The following SFXN4 variants were observed in gnomAD, a reference collection of about 807,000 sequenced individuals.
SFXN4 encodes sideroflexin-4.
In SFXN4, 48 loss-of-function variants were observed where a neutral mutation model predicts 54.6. The observed-to-expected ratio is 0.88, with a 90% CI of 0.70 to 1.12. SFXN4 has a LOEUF of 1.12. SFXN4 is among the 50% of genes most tolerant of loss of function. The pLI is 0.00. For synonymous variants in SFXN4, 130 were observed against 145.5 expected (o/e 0.89, Z 0.77); for missense variants, 383 against 409.2 (o/e 0.94, Z 0.55).
At chr10:119,155,301 C>T in intron 10 of SFXN4, 124 bp from the exon 11 acceptor site, 1 of 672,558 alleles carries the variant, frequency 1.5e-6, no homozygotes, top group South Asian at 1.8e-5. Context: ...TTTCTTGACC[C>T]TCAGGTGGAC....
intron 11 of SFXN4, among the ~76,000 whole-genome samples, chr10:119,149,711 T>C (rs1011053516): frequency 7.2e-5 from 11 of 152,010 alleles, no homozygotes; most frequent in Middle Eastern, 3.2e-3. Context: ...GATCACACCA[T>C]TGCACTCCAG....
intron 2 of SFXN4, among the ~76,000 whole-genome samples, chr10:119,162,953 A>C (rs940255517): frequency 6.6e-6 from 1 of 151,536 alleles, no homozygotes; most frequent in Non-Finnish European, 1.5e-5. Context: ...AACCCACTAC[A>C]CCTGGCTAAC....
intron 10 of SFXN4, among the ~76,000 whole-genome samples, chr10:119,155,881 C>A (rs1424667968): frequency 6.6e-6 from 1 of 152,112 alleles, no homozygotes; most frequent in African/African-American, 2.4e-5. Flanking sequence ...ATTCCCAAAC[C>A]CAAATTTGGA....
rs1410144838 is a variant in SFXN4 at position 119,156,766 on chromosome 10, A to C, written c.538-10T>G. 2 of 1,595,624 alleles carry C rather than the reference A, an allele frequency of 1.3e-6. No individual in the cohort carries two copies. The highest frequency in any genetic ancestry group is 2.2e-5 in the South Asian group (2 of 89,400). On this transcript the variant is annotated splice_polypyrimidine_tract_variant and intron_variant, in intron 9 of 13. Coordinates refer to ENST00000355697, the MANE Select transcript of SFXN4 (RefSeq NM_213649.2). The stretch of plus-strand genomic sequence containing the variant: ...CAAACTGAGGGATTACCTAGAAAAG[A>C]AGAGAGAAAAATCATTATTTCATGG...
chr10:119,150,150 T>TC (rs1367505629), intron 11 of SFXN4, among the ~76,000 whole-genome samples: 1 of 75,860 alleles, frequency 1.3e-5, no homozygotes, highest in African/African-American at 3.5e-5. Flanking sequence ...AAAAAGACCT[T>TC]TTTTTTTTTA....
Position 119,147,846 on chromosome 10 carries a change from C to A in SFXN4, c.747G>T (p.Thr249=). ...CAAACAGCACTATTCTGGATGCTAG[C>A]GTTTCTCTAACAGCCTAGCAAAAAT... ...RIAGTKAVRE[T]LASRIVLFGT... The change falls in exon 12 of 14, where the codon ACG becomes ACT. Residue 249 remains threonine (T), a synonymous_variant. Coordinates refer to ENST00000355697, the MANE Select transcript of SFXN4 (RefSeq NM_213649.2). 1 of 1,613,944 alleles carries A rather than the reference C, an allele frequency of 6.2e-7. No individual in the cohort carries two copies. Among genetic ancestry groups the A allele is most frequent in the Non-Finnish European group, 8.5e-7 (1 of 1,179,846 alleles).
chr10:119,165,425 C>A, intron 1 of SFXN4, 112 bp downstream of exon 1: 1 of 1,342,622 alleles, frequency 7.4e-7, no homozygotes, highest in South Asian at 1.7e-5. Context: ...GAGGAGGAAA[C>A]GGAGACAGGG....
At chr10:119,160,527 A>AG (rs1345270659) in intron 5 of SFXN4, among the ~76,000 whole-genome samples, 14 of 151,190 alleles carry the variant, frequency 9.3e-5, no homozygotes, top group South Asian at 2.1e-4. Context: ...AAAAAAAAAA[A>AG]AAAGAAAGAA....
chr10:119,141,412 T>A, intron 13 of SFXN4, 93 bp from the exon 14 acceptor site: 1 of 695,500 alleles, frequency 1.4e-6, no homozygotes, highest in Non-Finnish European at 2.4e-6. Flanking sequence ...AGCAACCATT[T>A]CACAGTCCAT....
At chr10:119,152,241 T>TC (rs1554886945) in intron 11 of SFXN4, among the ~76,000 whole-genome samples, 232 of 151,518 alleles carry the variant, frequency 1.5e-3, no homozygotes, top group African/African-American at 5.1e-3. Flanking sequence ...TTTTTTTTTT[T>TC]CCCCAGGGGA....
rs117888050 is a variant in SFXN4 at position 119,143,080 on chromosome 10, T to C, written c.937-1761A>G. On this transcript the variant is annotated intron_variant, in intron 13 of 13. Transcript: ENST00000355697. ...AGCAAGCAAGTCTTGGCATCTGAGG[T>C]CACGCGTGAGACTGACTCCCTTTCC... is the stretch of plus-strand genomic sequence containing the variant. 0.014 allele frequency among the ~76,000 whole-genome samples: 2,065 copies of C among 151,642 alleles called. 141 individuals are homozygous for C. The East Asian group carries it at 0.2, about 15-fold the overall frequency.
intron 11 of SFXN4, among the ~76,000 whole-genome samples, chr10:119,148,271 A>G (rs571221396): frequency 1.3e-5 from 2 of 152,222 alleles, no homozygotes; most frequent in African/African-American, 4.8e-5. Context: ...TTAGAAAAAG[A>G]ATGCCCGTGG....
chr10:119,161,436 A>AAC lies in SFXN4; in HGVS notation c.253-356_253-355insGT, dbSNP rs1564827542. Among the ~76,000 whole-genome samples the AAC allele has an allele frequency of 1.3e-3, 152 of 118,586 alleles. 1 individual carries two copies. The highest frequency in any genetic ancestry group is 4.3e-3 in the African/African-American group (145 of 33,680). The allele number at this position is 118,586 out of a possible 152,430, so 77.8% of individuals were successfully genotyped here. On this transcript the variant is annotated intron_variant, in intron 3 of 13. Transcript: ENST00000355697. ...AAAACAACAACAACAACAAAAAAAA[A>AAC]CAAAAAAAAAAAAAAAGCTTTTAAA...
intron 13 of SFXN4, among the ~76,000 whole-genome samples, chr10:119,142,781 G>A (rs1158850548): frequency 4.7e-5 from 7 of 148,342 alleles, no homozygotes; most frequent in African/African-American, 1.8e-4. Flanking sequence ...GCCCAGACTG[G>A]AGTGCAGTGG....
In SFXN4 at chr10:119,162,395, C is replaced by T. The variant is rs971377096; in HGVS notation, c.197G>A (p.Arg66Lys). 6.2e-6 allele frequency: 10 copies of T among 1,614,018 alleles called. No homozygotes were observed. The highest frequency in any genetic ancestry group is 8.5e-6 in the Non-Finnish European group (10 of 1,179,928). The change falls in exon 3 of 14, where the codon AGG becomes AAG. Residue 66 changes from arginine to lysine, a missense_variant. Coordinates refer to ENST00000355697, the MANE Select transcript of SFXN4 (RefSeq NM_213649.2). ...FISVESIENS[R>K]QLLCTNEDVS... The stretch of plus-strand genomic sequence containing the variant: ...ATCTTCATTTGTGCACAATAGTTGC[C>T]TCGAGTTTTCTATACTTTCCTAAAA...
At chr10:119,163,311 G>A (rs1053064585) in intron 2 of SFXN4, among the ~76,000 whole-genome samples, 5 of 151,606 alleles carry the variant, frequency 3.3e-5, no homozygotes, top group Non-Finnish European at 7.4e-5. Flanking sequence ...CCTCCATCAC[G>A]TGGAAGATTT....
chr10:119,161,761 G>A (rs73434803), intron 3 of SFXN4, among the ~76,000 whole-genome samples: 1,874 of 152,294 alleles, frequency 0.012, 40 homozygotes, highest in African/African-American at 0.043. Flanking sequence ...AGCAGGCTGT[G>A]TGCTGATGAC....
intron 2 of SFXN4, among the ~76,000 whole-genome samples, chr10:119,163,651 C>T (rs1051682158): frequency 2.0e-5 from 3 of 151,876 alleles, no homozygotes; most frequent in Non-Finnish European, 2.9e-5. Flanking sequence ...GATCCACCCA[C>T]CTCGGCCTCC....
chr10:119,151,479 T>C (rs1163043084), intron 11 of SFXN4, among the ~76,000 whole-genome samples: 4 of 151,828 alleles, frequency 2.6e-5, no homozygotes, highest in Non-Finnish European at 4.4e-5. Context: ...GTTCTACAAC[T>C]GGACTGTGGT....
Sources: allele counts gnomAD v4.1 joint callset (sites outside exome capture counted in the v4.1 genomes callset), GRCh38; gene constraint gnomAD v4.1.1; transcripts MANE v1.5; gene names NCBI Gene and HGNC (gene_info 2026-07-23, HGNC 2026-07-21).